The following REEP5 variants were observed in gnomAD, a reference collection of about 807,000 sequenced individuals.
REEP5 encodes the protein receptor expression-enhancing protein 5.
Under a neutral mutation model 22.4 loss-of-function variants are expected in REEP5, and 24 were observed. The ratio of observed to expected loss-of-function variants is 1.07; its 90% CI spans 0.78 to 1.51. REEP5 has a LOEUF of 1.51. Ranked by LOEUF, REEP5 falls within the 40% of genes most tolerant of loss-of-function variation. The probability of loss-of-function intolerance (pLI) is 0.00; values close to 1 mark genes in which losing one functional copy is unlikely to be tolerated. For synonymous variants in REEP5, 103 were observed against 88.6 expected (o/e 1.16, Z -0.92); for missense variants, 252 against 233.0 (o/e 1.08, Z -0.53).
At chr5:112,921,141 G>A (rs1769350470) in intron 2 of REEP5, 22 bp downstream of exon 2, 2 of 1,609,948 alleles carry the variant, frequency 1.2e-6, no homozygotes, top group Non-Finnish European at 1.7e-6. Context: ...GGAAGGGGAC[G>A]GCTGCAGGGT....
intron 4 of REEP5, among the ~76,000 whole-genome samples, chr5:112,883,761 A>G (rs945768276): frequency 6.6e-6 from 1 of 152,146 alleles, no homozygotes; most frequent in African/African-American, 2.4e-5. Context: ...AATGTCCAGG[A>G]CTAAATTCCA....
chr5:112,881,406 T>G (rs1768071115), intron 4 of REEP5, among the ~76,000 whole-genome samples: 1 of 152,110 alleles, frequency 6.6e-6, no homozygotes, highest in African/African-American at 2.4e-5. Flanking sequence ...CACAAAAACC[T>G]TTCTCCAATT....
chr5:112,892,419 G>A, intron 3 of REEP5: 1 of 1,614,098 alleles, frequency 6.2e-7, no homozygotes, highest in Non-Finnish European at 8.5e-7. Context: ...AAGTGATTCA[G>A]TTCAAGGTCA....
intron 3 of REEP5, among the ~76,000 whole-genome samples, chr5:112,899,535 C>A (rs1284835185): frequency 6.6e-6 from 1 of 152,128 alleles, no homozygotes; most frequent in Admixed American, 6.5e-5. Context: ...TATGGATATA[C>A]TATTAATTGA....
intron 2 of REEP5, among the ~76,000 whole-genome samples, chr5:112,908,100 TG>T (rs778106024): frequency 0.051 from 5,012 of 97,472 alleles, 353 homozygotes; most frequent in African/African-American, 0.066. Flanking sequence ...CTTTGTTTTT[TG>T]TTTTTTTTTT....
chr5:112,915,188 A>G lies in REEP5; in HGVS notation c.212+5975T>C, dbSNP rs533699197. On this transcript the variant is annotated intron_variant, in intron 2 of 4. Transcript: ENST00000379638. ...CGACAGAAAGAAGGACAAATAGACTAAATCTCCAGGGCCTTCATAAAGAGA... is the reference window on the plus strand; with the variant it reads ...CGACAGAAAGAAGGACAAATAGACTGAATCTCCAGGGCCTTCATAAAGAGA... 7.8e-4 allele frequency among the ~76,000 whole-genome samples: 119 copies of G among 152,270 alleles called. 1 individual carries two copies. Among genetic ancestry groups the G allele is most frequent in the African/African-American group, 2.7e-3 (114 of 41,564 alleles).
intron 4 of REEP5, chr5:112,885,540 T>G (rs1221893349): frequency 2.5e-5 from 6 of 237,762 alleles, no homozygotes. Flanking sequence ...GGGTTGGAAG[T>G]AAACATCAAC....
chr5:112,882,678 G>T (rs1768117205), intron 4 of REEP5, among the ~76,000 whole-genome samples: 1 of 152,164 alleles, frequency 6.6e-6, no homozygotes, highest in Non-Finnish European at 1.5e-5. Context: ...TAGTGTCCAT[G>T]GCTGTTTTCA....
Position 112,891,575 on chromosome 5 carries a change from G to A in REEP5, c.352-4392C>T. The A allele has an allele frequency of 6.4e-6, 10 of 1,551,702 alleles. No individual in the cohort carries two copies. In the South Asian group the frequency reaches 1.1e-4, roughly 17 times the overall value. On this transcript the variant is annotated intron_variant, in intron 3 of 4. Transcript: ENST00000379638. ...TAGAATCACTGACAGTGGCAGCTAT[G>A]AACAAAATCTTCCATATATTCCCAT...
In REEP5 at chr5:112,902,398, G is replaced by A; in HGVS notation, c.333C>T (p.Pro111=). ...AACATACCTTCAGCATGTAGTAGAAGGGGAACCATGACAGGAAGATATCAG... is the reference window on the plus strand; with the variant it reads ...AACATACCTTCAGCATGTAGTAGAAAGGGAACCATGACAGGAAGATATCAG... The part of the protein sequence containing the change: ...FFSDIFLSWF[P]FYYMLKCGFL... Residue 111 remains proline (P), a synonymous_variant, in exon 3 of 5, where the codon CCC becomes CCT. Coordinates refer to ENST00000379638, the MANE Select transcript of REEP5 (RefSeq NM_005669.5). 3.7e-6 allele frequency: 6 copies of A among 1,612,608 alleles called. No homozygotes were observed. In the Admixed American group the frequency reaches 5.0e-5, roughly 14 times the overall value.
chr5:112,907,911 T>C (rs1276886231), intron 2 of REEP5, among the ~76,000 whole-genome samples: 2 of 152,132 alleles, frequency 1.3e-5, no homozygotes, highest in Non-Finnish European at 2.9e-5. Context: ...TTTTTATATG[T>C]TTACAGACCA....
chr5:112,880,673 A>G (rs1768044661), intron 4 of REEP5, among the ~76,000 whole-genome samples: 1 of 152,210 alleles, frequency 6.6e-6, no homozygotes, highest in African/African-American at 2.4e-5. Context: ...TCTTGCCCCT[A>G]TTTAGGAATG....
rs1423655421 is a variant in REEP5, at chr5:112,893,268, G to T, written c.352-6085C>A. Reference sequence around the variant, plus strand: ...CTACTAAAAATACAAAAATTAGCCAGGTGTGGTGGCAGGCGTCTGTAATCC... The same window carrying T: ...CTACTAAAAATACAAAAATTAGCCATGTGTGGTGGCAGGCGTCTGTAATCC... On this transcript the variant is annotated intron_variant, in intron 3 of 4. Transcript: ENST00000379638. 3 of 273,362 alleles carry T rather than the reference G, an allele frequency of 1.1e-5. No homozygotes were observed. The Admixed American group carries it at 1.5e-4, about 14-fold the overall frequency. The allele number at this position is 273,362 out of a possible 1,614,324, so 16.9% of individuals were successfully genotyped here. A position where few individuals can be genotyped will look rare whatever the true frequency, so the allele number is the denominator to read the frequency against.
At chr5:112,892,663 A>G (rs1768517461) in intron 3 of REEP5, 2 of 1,614,108 alleles carry the variant, frequency 1.2e-6, no homozygotes, top group Non-Finnish European at 1.7e-6. Flanking sequence ...AAATCCCAAC[A>G]ATGAATTCTG....
At chr5:112,880,958 G>A (rs190508751) in intron 4 of REEP5, among the ~76,000 whole-genome samples, 1,598 of 152,046 alleles carry the variant, frequency 0.011, 12 homozygotes, top group Non-Finnish European at 0.014. Context: ...GCATAACGGT[G>A]TCTCTACTAA....
At chr5:112,907,635 A>C (rs1212895582) in intron 2 of REEP5, among the ~76,000 whole-genome samples, 1 of 152,252 alleles carries the variant, frequency 6.6e-6, no homozygotes, top group Non-Finnish European at 1.5e-5. Flanking sequence ...AAGACATCTC[A>C]GAGATGAACT....
intron 2 of REEP5, among the ~76,000 whole-genome samples, chr5:112,909,614 C>T (rs1381114836): frequency 1.3e-5 from 2 of 152,094 alleles, no homozygotes; most frequent in Non-Finnish European, 2.9e-5. Flanking sequence ...TTTTCAGGCC[C>T]ACTCTGCAAT....
intron 2 of REEP5, among the ~76,000 whole-genome samples, chr5:112,913,391 GAGAAAGAAAGAAAA>G (rs1464251072): frequency 4.5e-5 from 6 of 133,928 alleles, no homozygotes; most frequent in Non-Finnish European, 9.5e-5. Flanking sequence ...GAGAAAGAAA[GAGAAAGAAAGAAAA>G]AAAGAAAAGA....
chr5:112,908,199 C>A (rs2150046084), intron 2 of REEP5, among the ~76,000 whole-genome samples: 1 of 147,888 alleles, frequency 6.8e-6, no homozygotes, highest in Non-Finnish European at 1.5e-5. Context: ...CTCCCCAGTT[C>A]AAGCAATTCT....
Sources: allele counts gnomAD v4.1 joint callset (sites outside exome capture counted in the v4.1 genomes callset), GRCh38; gene constraint gnomAD v4.1.1; transcripts MANE v1.5; gene names NCBI Gene and HGNC (gene_info 2026-07-23, HGNC 2026-07-21).